CABIN1: variants seen among roughly 807,000 people sequenced by gnomAD.
CABIN1 encodes calcineurin-binding protein cabin-1.
CABIN1 carries 133 observed loss-of-function variants against 227.7 expected under a neutral mutation model. The ratio of observed to expected loss-of-function variants is 0.58; its 90% CI spans 0.51 to 0.67. The LOEUF (loss-of-function observed/expected upper bound fraction) is 0.67. Ranked by LOEUF, CABIN1 falls within the 30% of genes least tolerant of loss-of-function variation. The pLI is 0.00. For missense variants in CABIN1, 2,408 were observed against 2,852.5 expected (o/e 0.84, Z 3.55); for synonymous variants, 1,086 against 1,155.1 (o/e 0.94, Z 1.21).
At chr22:24,065,760 G>T (rs1416059124) in intron 15 of CABIN1, among the ~76,000 whole-genome samples, 1 of 152,266 alleles carries the variant, frequency 6.6e-6, no homozygotes, top group African/African-American at 2.4e-5. Flanking sequence ...CCGGCACCTC[G>T]GGAGGCCGAG....
In CABIN1 at chr22:24,055,111, AG is replaced by A. The variant is rs1448797720; in HGVS notation, c.1046del (p.Ser349ThrfsTer29). 1 of 1,613,926 alleles carries A rather than the reference AG, an allele frequency of 6.2e-7. No homozygotes were observed. Among genetic ancestry groups the A allele is most frequent in the Non-Finnish European group, 8.5e-7 (1 of 1,180,040 alleles). ...CTCCTACACCTCTGTGGCTACAACC[AG>A]CTTCCCACTGCACAGTCCTGGTCTG... ...VVSYTSVATT[S>X]FPLHSPGLLE... On this transcript the variant is annotated frameshift_variant, in exon 9 of 37. Transcript: ENST00000263119. LOFTEE classifies it high-confidence loss of function.
At chr22:24,133,532 G>A (rs922796107) in intron 28 of CABIN1, among the ~76,000 whole-genome samples, 4 of 152,362 alleles carry the variant, frequency 2.6e-5, no homozygotes, top group African/African-American at 4.8e-5. Flanking sequence ...AGTGGGTGCC[G>A]TGGAAAGGGT....
intron 29 of CABIN1, among the ~76,000 whole-genome samples, chr22:24,135,635 C>A (rs1235188505): frequency 1.3e-5 from 2 of 152,216 alleles, no homozygotes; most frequent in African/African-American, 2.4e-5. Context: ...CCTTACCTAT[C>A]CACCGCCCCT....
intron 15 of CABIN1, among the ~76,000 whole-genome samples, chr22:24,065,106 C>T (rs1312026705): frequency 2.6e-5 from 4 of 151,672 alleles, no homozygotes; most frequent in African/African-American, 9.7e-5. Context: ...GGCAGAGGCG[C>T]CCCTCACCTC....
At chr22:24,038,510 G>A (rs2037107768) in intron 4 of CABIN1, 49 bp downstream of exon 4, 3 of 1,319,358 alleles carry the variant, frequency 2.3e-6, no homozygotes, top group South Asian at 1.2e-5. Flanking sequence ...TAGTGCATGG[G>A]CTGTGGGGCT....
rs140560210 is a variant in CABIN1 at position 24,178,169 on chromosome 22, C to G, written c.6636C>G (p.Asp2212Glu). 6,980 of 1,613,468 alleles carry G rather than the reference C, an allele frequency of 4.3e-3. 17 individuals carry two copies. The highest frequency in any genetic ancestry group is 5.3e-3 in the Non-Finnish European group (6,199 of 1,179,950). The change falls in exon 37 of 37, where the codon GAC (aspartate) becomes GAG (glutamate). Residue 2212 changes from aspartate to glutamate, a missense_variant. Asp to Glu is a conservative substitution (Grantham distance 45). Transcript: ENST00000263119. Reference sequence around the variant, plus strand: ...AGTCCTCGCTGGAGAGCGAGACAGACGAGGACGACGACTACATGGACATTT... The same window carrying G: ...AGTCCTCGCTGGAGAGCGAGACAGAGGAGGACGACGACTACATGGACATTT... Reference protein sequence around the residue: ...SQESSLESETDEDDDYMDI With the variant: ...SQESSLESETEEDDDYMDI
chr22:24,176,314 G>T (rs1172129628), intron 35 of CABIN1, 39 bp downstream of exon 35: 3 of 1,569,884 alleles, frequency 1.9e-6, no homozygotes, highest in African/African-American at 1.4e-5. Context: ...CAGCCCCCAG[G>T]AGGCTGCCTC....
chr22:24,172,775 T>TCCC (rs2046893013), intron 34 of CABIN1, among the ~76,000 whole-genome samples: 2 of 152,044 alleles, frequency 1.3e-5, no homozygotes, highest in Non-Finnish European at 2.9e-5. Flanking sequence ...CAAGGCACCA[T>TCCC]CCCCCTCGCT....
intron 29 of CABIN1, among the ~76,000 whole-genome samples, chr22:24,150,292 C>G (rs1177435478): frequency 6.6e-6 from 1 of 152,206 alleles, no homozygotes; most frequent in Admixed American, 6.5e-5. Context: ...GGCTGCCAGT[C>G]CTCAGCAAGT....
intron 29 of CABIN1, among the ~76,000 whole-genome samples, chr22:24,153,996 T>G (rs2045639274): frequency 6.6e-6 from 1 of 152,154 alleles, no homozygotes; most frequent in Non-Finnish European, 1.5e-5. Flanking sequence ...TTTGGCAATG[T>G]GTCTGAGAGA....
intron 24 of CABIN1, 117 bp from the exon 25 acceptor site, chr22:24,095,814 A>G (rs2041857792): frequency 9.5e-7 from 1 of 1,049,226 alleles, no homozygotes; most frequent in African/African-American, 1.6e-5. Flanking sequence ...AAAAACAAGC[A>G]GTGTGTGGCA....
chr22:24,090,439 G>C (rs868051279), intron 23 of CABIN1, among the ~76,000 whole-genome samples: 1 of 151,984 alleles, frequency 6.6e-6, no homozygotes, highest in African/African-American at 2.4e-5. Context: ...TCACTTGGTT[G>C]GTCCCGTGTT....
At chr22:24,085,274 C>T (rs747037593) in intron 22 of CABIN1, 123 bp downstream of exon 22, 31 of 1,044,066 alleles carry the variant, frequency 3.0e-5, no homozygotes, top group Non-Finnish European at 3.9e-5. Context: ...CCAGGGAAAA[C>T]GGAATGAGAG....
chr22:24,047,072 C>T (rs2037947351), intron 6 of CABIN1, among the ~76,000 whole-genome samples: 1 of 152,160 alleles, frequency 6.6e-6, no homozygotes, highest in African/African-American at 2.4e-5. Context: ...TAATCTCATG[C>T]AAAGACACCC....
rs778193544 is a variant in CABIN1, at chr22:24,091,736, T to C, written c.3679T>C (p.Leu1227=). 35 of 1,614,064 alleles carry C rather than the reference T, an allele frequency of 2.2e-5. No homozygotes were observed. Among genetic ancestry groups the C allele is most frequent in the East Asian group, 1.3e-4 (6 of 44,888 alleles). The change falls in exon 24 of 37, where the codon TTG becomes CTG. Residue 1227 remains leucine, a synonymous_variant. Transcript: ENST00000263119. Reference sequence around the variant, plus strand: ...GCAGCAGCAGCCACCCACCGTTTACTTGCTGCACTACAGGCAGGCTGGCCA... The same window carrying C: ...GCAGCAGCAGCCACCCACCGTTTACCTGCTGCACTACAGGCAGGCTGGCCA... The part of the protein sequence containing the change: ...EKQQQPPTVY[L]LHYRQAGHYL...
At chr22:24,039,608 A>G (rs2037207190) in intron 4 of CABIN1, among the ~76,000 whole-genome samples, 1 of 152,186 alleles carries the variant, frequency 6.6e-6, no homozygotes. Flanking sequence ...CCCTCTCAGG[A>G]CGTGGTGGAA....
chr22:24,153,676 G>T (rs1402323264), intron 29 of CABIN1, among the ~76,000 whole-genome samples: 1 of 152,174 alleles, frequency 6.6e-6, no homozygotes, highest in African/African-American at 2.4e-5. Flanking sequence ...ATCTGATGGG[G>T]CTTTGGAGAG....
intron 9 of CABIN1, among the ~76,000 whole-genome samples, 154 bp downstream of exon 9, chr22:24,055,313 C>G (rs535409865): frequency 1.3e-5 from 2 of 152,372 alleles, no homozygotes; most frequent in South Asian, 4.2e-4. Flanking sequence ...CCTAGAGGAG[C>G]CTCTCAGCCT....
At chr22:24,141,183 A>G (rs1039032186) in intron 29 of CABIN1, among the ~76,000 whole-genome samples, 2 of 152,228 alleles carry the variant, frequency 1.3e-5, no homozygotes, top group Non-Finnish European at 2.9e-5. Flanking sequence ...TGGGGCCTCC[A>G]TAAGCTCAAG....
Sources: allele counts gnomAD v4.1 joint callset (sites outside exome capture counted in the v4.1 genomes callset), GRCh38; gene constraint gnomAD v4.1.1; transcripts MANE v1.5; gene names NCBI Gene and HGNC (gene_info 2026-07-23, HGNC 2026-07-21).